ANGPT2: variants seen among roughly 807,000 people sequenced by gnomAD.
The protein encoded by ANGPT2 is angiopoietin 2, also known as angiopoietin-2.
ANGPT2 carries 28 observed loss-of-function variants against 62.9 expected under a neutral mutation model. That is an observed-to-expected ratio of 0.44 (90% CI 0.33 to 0.61). ANGPT2 has a LOEUF of 0.61. ANGPT2 is among the 20% of genes least tolerant of loss of function. ANGPT2 has a pLI of 0.03. For synonymous variants in ANGPT2, 284 were observed against 207.8 expected (o/e 1.37, Z -3.15); for missense variants, 727 against 594.9 (o/e 1.22, Z -2.31).
chr8:6,509,908 C>A (rs770318690), intron 7 of ANGPT2, among the ~76,000 whole-genome samples: 2 of 152,150 alleles, frequency 1.3e-5, no homozygotes, highest in African/African-American at 4.8e-5. Context: ...ACCTGTGGCT[C>A]GCTGCCGCTG....
intron 1 of ANGPT2, among the ~76,000 whole-genome samples, chr8:6,542,007 CAAAAA>C (rs764731302): frequency 1.7e-5 from 1 of 57,236 alleles, no homozygotes; most frequent in Non-Finnish European, 3.8e-5. Context: ...GACTCAATCT[CAAAAA>C]AAAAAAAAAA....
At chr8:6,531,762 C>T (rs1010544519) in intron 2 of ANGPT2, among the ~76,000 whole-genome samples, 2 of 150,668 alleles carry the variant, frequency 1.3e-5, no homozygotes, top group Non-Finnish European at 3.0e-5. Flanking sequence ...TAGTGGCGGA[C>T]CTGGAGCCAT....
intron 5 of ANGPT2, among the ~76,000 whole-genome samples, chr8:6,517,820 C>A (rs1428420962): frequency 6.6e-6 from 1 of 152,192 alleles, no homozygotes; most frequent in South Asian, 2.1e-4. Flanking sequence ...CTGTCTATCT[C>A]TCCCTGGATC....
intron 3 of ANGPT2, among the ~76,000 whole-genome samples, chr8:6,524,386 C>T (rs1168653715): frequency 1.3e-5 from 2 of 152,174 alleles, no homozygotes; most frequent in Non-Finnish European, 1.5e-5. Flanking sequence ...ATATGAAGAG[C>T]AGAGAAACAT....
intron 1 of ANGPT2, among the ~76,000 whole-genome samples, chr8:6,547,128 C>G (rs1341769970): frequency 6.6e-6 from 1 of 151,850 alleles, no homozygotes; most frequent in East Asian, 1.9e-4. Flanking sequence ...CTCATGTGGC[C>G]TATTTCTGCT....
Position 6,553,118 on chromosome 8 carries a change from A to T in ANGPT2, c.288+9529T>A, listed in dbSNP as rs975911478. Reference sequence around the variant, plus strand: ...GGCTCTGGGTGATAATGATGGGTCAATGTAGATTCATCAGTTGTAACCAGT... The same window carrying T: ...GGCTCTGGGTGATAATGATGGGTCATTGTAGATTCATCAGTTGTAACCAGT... On this transcript the variant is annotated intron_variant, in intron 1 of 8. Coordinates refer to ENST00000629816, the MANE Select transcript of ANGPT2 (RefSeq NM_001118887.2). Among the ~76,000 whole-genome samples, 4 of 152,112 alleles carry T rather than the reference A, an allele frequency of 2.6e-5. No homozygotes were observed. In the East Asian group the frequency reaches 7.7e-4, roughly 29 times the overall value.
intron 5 of ANGPT2, among the ~76,000 whole-genome samples, chr8:6,516,279 A>G (rs1388677288): frequency 3.3e-5 from 5 of 152,202 alleles, no homozygotes; most frequent in Admixed American, 1.3e-4. Flanking sequence ...ACTCTGCCAG[A>G]TACTTTGTGT....
chr8:6,503,274 A>T lies in ANGPT2; in HGVS notation c.1328-13T>A. The T allele has an allele frequency of 1.2e-6, 2 of 1,614,030 alleles. No individual in the cohort carries two copies. Among genetic ancestry groups the T allele is most frequent in the Non-Finnish European group, 1.7e-6 (2 of 1,179,958 alleles). ...TCAAACCACCAGCCTGTGAAAGTAA[A>T]ACACAGAAGGAATTAGGAACTAGGT... On this transcript the variant is annotated splice_polypyrimidine_tract_variant and intron_variant, in intron 8 of 8. Transcript: ENST00000629816.
At chr8:6,535,947 C>A (rs554425414) in intron 1 of ANGPT2, among the ~76,000 whole-genome samples, 64 of 151,748 alleles carry the variant, frequency 4.2e-4, no homozygotes, top group Non-Finnish European at 7.8e-4. Flanking sequence ...GTCTCAGGTA[C>A]TGGGGAGGCT....
At chr8:6,522,223 C>A (rs540881058) in intron 3 of ANGPT2, among the ~76,000 whole-genome samples, 1 of 151,972 alleles carries the variant, frequency 6.6e-6, no homozygotes, top group Admixed American at 6.5e-5. Flanking sequence ...GGCGTGGTGG[C>A]GGGCGCCTGT....
At chr8:6,557,706 C>CACAG in intron 1 of ANGPT2, among the ~76,000 whole-genome samples, 1 of 151,582 alleles carries the variant, frequency 6.6e-6, no homozygotes, top group Admixed American at 6.6e-5. Context: ...CACACACACA[C>CACAG]ACACACACAT....
At chr8:6,523,094 T>C (rs1300066176) in intron 3 of ANGPT2, among the ~76,000 whole-genome samples, 2 of 151,794 alleles carry the variant, frequency 1.3e-5, no homozygotes, top group Non-Finnish European at 1.5e-5. Flanking sequence ...ACCTCCCAGG[T>C]TCAAGCTATT....
chr8:6,559,675 G>GA (rs200850023), intron 1 of ANGPT2, among the ~76,000 whole-genome samples: 2,118 of 151,462 alleles, frequency 0.014, 19 homozygotes, highest in Non-Finnish European at 0.018. Context: ...CCTCTTATCA[G>GA]AAAAAAAAAT....
intron 5 of ANGPT2, 44 bp from the exon 6 acceptor site, chr8:6,514,822 T>G: frequency 2.0e-6 from 3 of 1,514,856 alleles, no homozygotes; most frequent in Non-Finnish European, 2.7e-6. Context: ...GCCCCCCCAC[T>G]CCCCCCTTAC....
intron 7 of ANGPT2, among the ~76,000 whole-genome samples, chr8:6,512,426 T>G (rs1815346027): frequency 6.6e-6 from 1 of 152,204 alleles, no homozygotes; most frequent in Non-Finnish European, 1.5e-5. Flanking sequence ...GTAGGTCAGA[T>G]GATGACTGTT....
intron 8 of ANGPT2, among the ~76,000 whole-genome samples, chr8:6,505,709 GTATATATATTC>G (rs1342734426): frequency 2.5e-4 from 20 of 80,668 alleles, no homozygotes; most frequent in East Asian, 5.1e-4. Flanking sequence ...TCTTTATTAC[GTATATATATTC>G]TATATATATT....
At chr8:6,521,477 T>G in intron 3 of ANGPT2, 67 bp from the exon 4 acceptor site, 1 of 1,140,852 alleles carries the variant, frequency 8.8e-7, no homozygotes, top group Admixed American at 2.6e-5. Flanking sequence ...TTTATTGAAT[T>G]TCTACTTCTC....
intron 1 of ANGPT2, among the ~76,000 whole-genome samples, chr8:6,535,471 A>T (rs764248639): frequency 6.6e-6 from 1 of 152,210 alleles, no homozygotes; most frequent in South Asian, 2.1e-4. Context: ...GCTATTCAGG[A>T]TGACTAAGTA....
chr8:6,558,391 G>T (rs1824991381), intron 1 of ANGPT2, among the ~76,000 whole-genome samples: 1 of 151,922 alleles, frequency 6.6e-6, no homozygotes, highest in African/African-American at 2.4e-5. Flanking sequence ...TACTCCCATG[G>T]CGGTAGAGTT....
Sources: gnomAD v4.1 joint callset for allele counts (sites outside exome capture counted in the v4.1 genomes callset) on GRCh38, gnomAD v4.1.1 for gene constraint, MANE v1.5 for transcripts, NCBI Gene and HGNC (gene_info 2026-07-23, HGNC 2026-07-21) for gene names.